TRPM2: variants seen among roughly 807,000 people sequenced by gnomAD.
The protein encoded by TRPM2 is estrogen-responsive element-associated gene 1 protein.
Under a neutral mutation model 174.0 loss-of-function variants are expected in TRPM2, and 161 were observed. That is an observed-to-expected ratio of 0.93 (90% CI 0.81 to 1.05). The LOEUF (loss-of-function observed/expected upper bound fraction) is 1.05, where lower values mean the gene tolerates loss of function less well. TRPM2 is among the 50% of genes least tolerant of loss of function. TRPM2 has a pLI of 0.00. For missense variants in TRPM2, 2,057 were observed against 2,038.0 expected (o/e 1.01, Z -0.18); for synonymous variants, 954 against 861.3 (o/e 1.11, Z -1.88).
rs771414129 is a variant in TRPM2 at position 44,439,114 on chromosome 21, C to A, written c.4215C>A (p.Ile1405=). The A allele has an allele frequency of 6.2e-7, 1 of 1,613,810 alleles. No homozygotes were observed. The highest frequency in any genetic ancestry group is 8.5e-7 in the Non-Finnish European group (1 of 1,179,900). The change falls in exon 30 of 32, where the codon ATC becomes ATA. Residue 1405 remains isoleucine (I), a synonymous_variant. Transcript: ENST00000397928. This position sits in a 1 kb window ranked among gnomAD's most constrained non-coding sequence, Gnocchi z 5.1. ...TGCTACCTCGGAAGCTGAAGCGGAT[C>A]CTCCGGCAGGAGCACTGGCCGTCTT... ...GEMLPRKLKR[I]LRQEHWPSFE... is the part of the protein sequence containing the mutation.
At chr21:44,389,894 A>C (rs1253741914) in intron 9 of TRPM2, among the ~76,000 whole-genome samples, 2 of 136,088 alleles carry the variant, frequency 1.5e-5, no homozygotes, top group Non-Finnish European at 3.1e-5. Context: ...TTTTTTTGAG[A>C]TGGAGTCTCG....
chr21:44,374,173 G>A (rs2048627497), intron 5 of TRPM2, among the ~76,000 whole-genome samples: 1 of 152,092 alleles, frequency 6.6e-6, no homozygotes, highest in Admixed American at 6.5e-5. Context: ...ACCATACCCA[G>A]CTAATTTTTG....
chr21:44,353,443 C>T, upstream of TRPM2: 1 of 387,174 alleles, frequency 2.6e-6, no homozygotes. Context: ...TGTACTCCCC[C>T]AGAGTGTCCG....
Position 44,425,810 on chromosome 21 carries a change from G to C in TRPM2, c.3778G>C (p.Glu1260Gln), listed in dbSNP as rs750854740. The change falls in exon 25 of 32, where the codon GAG becomes CAG. Residue 1260 changes from glutamate to glutamine, a missense_variant. By Grantham distance (29) the Glu-to-Gln change is conservative. Transcript: ENST00000397928. ...TGTCACGCGCTTCCCCGTGCCCAAC[G>C]AGAAGGTGCCCTGGGAGGTGAGCGC... ...CPVTRFPVPNEKVPWETEFLI... is the reference protein window; with the variant it reads ...CPVTRFPVPNQKVPWETEFLI... 6.3e-7 allele frequency: 1 copy of C among 1,577,270 alleles called. No individual in the cohort carries two copies.
At chr21:44,377,014 CTT>C (rs1242512279) in intron 6 of TRPM2, among the ~76,000 whole-genome samples, 1 of 151,330 alleles carries the variant, frequency 6.6e-6, no homozygotes, top group East Asian at 1.9e-4. Context: ...AGGGACCACA[CTT>C]TGAGAACCTG....
Position 44,401,899 on chromosome 21 carries a change from T to C in TRPM2, c.2538+2T>C. 3 of 1,613,254 alleles carry C rather than the reference T, an allele frequency of 1.9e-6. No homozygotes were observed. The highest frequency in any genetic ancestry group is 2.5e-6 in the Non-Finnish European group (3 of 1,179,920). ...TTGGTGTGCGAGGAGATGCGGCAGG[T>C]ACAGCCCCACCCGCTTTTCCACGCC... On this transcript the variant is annotated splice_donor_variant, in intron 16 of 31. Transcript: ENST00000397928. LOFTEE classifies it high-confidence loss of function.
At chr21:44,413,149 T>C (rs1445691506) in intron 19 of TRPM2, among the ~76,000 whole-genome samples, 1 of 151,926 alleles carries the variant, frequency 6.6e-6, no homozygotes, top group Non-Finnish European at 1.5e-5. Context: ...ATACATTGCC[T>C]CTGCAACATC....
intron 8 of TRPM2, among the ~76,000 whole-genome samples, chr21:44,381,442 G>A (rs919424392): frequency 6.8e-6 from 1 of 146,204 alleles, no homozygotes; most frequent in African/African-American, 2.5e-5. Flanking sequence ...TGATGGGTGG[G>A]TGTGTGGATG....
At chr21:44,405,314 G>C in intron 17 of TRPM2, 54 bp downstream of exon 17, 1 of 1,604,630 alleles carries the variant, frequency 6.2e-7, no homozygotes, top group Non-Finnish European at 8.5e-7. Flanking sequence ...GCCCTGCAGG[G>C]GATGAGCACA....
intron 20 of TRPM2, 144 bp downstream of exon 20, chr21:44,414,218 G>A (rs1322169405): frequency 1.8e-5 from 20 of 1,110,008 alleles, no homozygotes; most frequent in Admixed American, 6.1e-5. Context: ...TCCTGGTGGA[G>A]TGTGCACAGC....
chr21:44,431,996 A>G lies in TRPM2; in HGVS notation c.3975-3135A>G, dbSNP rs1233139703. Among the ~76,000 whole-genome samples, 10 of 151,404 alleles carry G rather than the reference A, an allele frequency of 6.6e-5. 1 individual carries two copies. Among genetic ancestry groups the G allele is most frequent in the Non-Finnish European group, 1.3e-4 (9 of 67,854 alleles). On this transcript the variant is annotated intron_variant, in intron 27 of 31. Transcript: ENST00000397928. Reference sequence around the variant, plus strand: ...ATCCTAACCCCTAACCTTAACCCTAACCCTCTTGGCCCATTCACAACAGCA... The same window carrying G: ...ATCCTAACCCCTAACCTTAACCCTAGCCCTCTTGGCCCATTCACAACAGCA...
Position 44,414,495 on chromosome 21 carries a change from C to T in TRPM2, c.3146+421C>T, listed in dbSNP as rs573692024. On this transcript the variant is annotated intron_variant, in intron 20 of 31. Transcript: ENST00000397928. ...GGGGCCGCTGCTGCTCAGGGCTGTC[C>T]CCTTGTCACCCCAAGGGCTCTGCCT... 200 of 178,092 alleles carry T rather than the reference C, an allele frequency of 1.1e-3. 1 individual carries two copies. The highest frequency in any genetic ancestry group is 2.6e-3 in the Middle Eastern group (1 of 386). 11.0% of individuals were successfully genotyped at this position (178,092 alleles called of 1,614,324 possible).
At position 44,369,491 on chromosome 21, in the gene TRPM2, G is replaced by C. The variant is rs865858691; in HGVS notation, c.771+148G>C. 18 of 908,562 alleles carry C rather than the reference G, an allele frequency of 2.0e-5. No individual in the cohort carries two copies. The Middle Eastern group carries it at 1.1e-3, about 53-fold the overall frequency. 56.3% of individuals were successfully genotyped at this position (908,562 alleles called of 1,614,324 possible). On this transcript the variant is annotated intron_variant, in intron 5 of 31. Coordinates refer to ENST00000397928, the MANE Select transcript of TRPM2 (RefSeq NM_003307.4). ...CTGTGGGGAGCAGGCGGAGTGTGCG[G>C]GGGCCGGGGTGTGGGTGACGTCTGA... is the stretch of plus-strand genomic sequence containing the variant.
intron 22 of TRPM2, among the ~76,000 whole-genome samples, chr21:44,419,198 G>A (rs988322502): frequency 2.0e-5 from 3 of 152,162 alleles, no homozygotes; most frequent in African/African-American, 7.2e-5. Flanking sequence ...GAGGAGGAGG[G>A]GGAAATGGAC....
chr21:44,427,526 G>A (rs1167154175), intron 27 of TRPM2, among the ~76,000 whole-genome samples: 2 of 152,176 alleles, frequency 1.3e-5, no homozygotes, highest in Admixed American at 6.5e-5. Context: ...CAGGATCGGC[G>A]CTGCACCCAT....
intron 16 of TRPM2, among the ~76,000 whole-genome samples, chr21:44,403,658 CACATGCAT>C (rs2049718787): frequency 6.7e-6 from 1 of 149,210 alleles, no homozygotes; most frequent in African/African-American, 2.6e-5. Context: ...CACATGCACA[CACATGCAT>C]ACACACATGC....
intron 27 of TRPM2, among the ~76,000 whole-genome samples, chr21:44,427,557 A>C (rs1672052276): frequency 6.6e-6 from 1 of 152,152 alleles, no homozygotes; most frequent in Admixed American, 6.5e-5. Context: ...AGGAAACCCA[A>C]AATAAAGGTG....
At chr21:44,403,618 C>T (rs2049714391) in intron 16 of TRPM2, among the ~76,000 whole-genome samples, 1 of 150,982 alleles carries the variant, frequency 6.6e-6, no homozygotes. Flanking sequence ...CATAGGCACA[C>T]ACATTCATGC....
In TRPM2 at chr21:44,395,541, T is replaced by C; in HGVS notation, c.1922T>C (p.Ile641Thr). The C allele has an allele frequency of 1.2e-6, 2 of 1,612,966 alleles. No individual in the cohort carries two copies. Among genetic ancestry groups the C allele is most frequent in the East Asian group, 2.2e-5 (1 of 44,860 alleles). The change falls in exon 12 of 32, where the codon ATC becomes ACC. Residue 641 changes from isoleucine to threonine, a missense_variant. By Grantham distance (89) the Ile-to-Thr change is moderately conservative (BLOSUM62 -1). Transcript: ENST00000397928. ...VQNRRELAGI[I>T]WAQSQDCIAA... ...AACCGTCGGGAGCTGGCAGGAATCA[T>C]CTGGGCTCAGGTAATAAGACTGGCT... is the stretch of plus-strand genomic sequence containing the variant.
Sources: gnomAD v4.1 joint callset for allele counts (sites outside exome capture counted in the v4.1 genomes callset) on GRCh38, gnomAD v4.1.1 for gene constraint, Gnocchi (gnomAD v3.1) non-coding constraint, MANE v1.5 for transcripts, NCBI Gene and HGNC (gene_info 2026-07-23, HGNC 2026-07-21) for gene names.